The following EEFSEC variants were observed in gnomAD, a reference collection of about 807,000 sequenced individuals.
The protein encoded by EEFSEC is selenocysteine-specific elongation factor.
In EEFSEC, 43 loss-of-function variants were observed where a neutral mutation model predicts 42.1. The observed-to-expected ratio is 1.02, with a 90% CI of 0.80 to 1.32. The LOEUF (loss-of-function observed/expected upper bound fraction) is 1.32, where lower values mean the gene tolerates loss of function less well. Ranked by LOEUF, EEFSEC falls within the 40% of genes most tolerant of loss-of-function variation. The pLI, the probability that EEFSEC is intolerant of heterozygous loss-of-function variation, is 0.00. For synonymous variants in EEFSEC, 354 were observed against 339.1 expected (o/e 1.04, Z -0.48); for missense variants, 745 against 803.6 (o/e 0.93, Z 0.88).
intron 2 of EEFSEC, among the ~76,000 whole-genome samples, chr3:128,254,036 A>C (rs1333555154): frequency 6.6e-5 from 10 of 152,214 alleles, no homozygotes; most frequent in Admixed American, 6.5e-4. Flanking sequence ...GAGGTTTTAA[A>C]GGCCAGTTGA....
intron 1 of EEFSEC, among the ~76,000 whole-genome samples, chr3:128,188,512 C>A (rs1250365002): frequency 6.6e-6 from 1 of 152,158 alleles, no homozygotes; most frequent in Non-Finnish European, 1.5e-5. Context: ...AGTTTGGCGG[C>A]CTTGGTATTG....
chr3:128,229,115 CTGTT>C (rs1271870754), intron 1 of EEFSEC, among the ~76,000 whole-genome samples: 4 of 152,202 alleles, frequency 2.6e-5, no homozygotes, highest in Admixed American at 6.5e-5. Context: ...ATGTCAGAGA[CTGTT>C]TGGAGCTTTC....
At chr3:128,338,416 G>T (rs748309642) in intron 4 of EEFSEC, among the ~76,000 whole-genome samples, 1 of 152,158 alleles carries the variant, frequency 6.6e-6, no homozygotes, top group Non-Finnish European at 1.5e-5. Flanking sequence ...ATTTAAATCT[G>T]TCGGCACACA....
intron 6 of EEFSEC, among the ~76,000 whole-genome samples, chr3:128,394,017 G>A (rs2067949303): frequency 6.6e-6 from 1 of 152,168 alleles, no homozygotes; most frequent in Admixed American, 6.5e-5. Context: ...CGGTGGCGGG[G>A]GCGGGGGGTG....
intron 1 of EEFSEC, among the ~76,000 whole-genome samples, chr3:128,197,787 G>T (rs1403240598): frequency 6.6e-6 from 1 of 152,142 alleles, no homozygotes; most frequent in Non-Finnish European, 1.5e-5. Flanking sequence ...AGTAAATGGA[G>T]CTCAGGGTTG....
At chr3:128,259,448 T>C (rs1018061852) in intron 2 of EEFSEC, among the ~76,000 whole-genome samples, 2 of 152,222 alleles carry the variant, frequency 1.3e-5, no homozygotes, top group Non-Finnish European at 2.9e-5. Context: ...TGCAGTGAAA[T>C]AGGCATCTTA....
intron 4 of EEFSEC, among the ~76,000 whole-genome samples, chr3:128,272,232 C>T (rs1559896069): frequency 2.0e-5 from 3 of 152,218 alleles, no homozygotes; most frequent in East Asian, 1.9e-4. Flanking sequence ...GTGGTTGACT[C>T]CTGAACATCA....
intron 4 of EEFSEC, among the ~76,000 whole-genome samples, chr3:128,283,876 A>G (rs920406160): frequency 1.3e-5 from 2 of 152,172 alleles, no homozygotes; most frequent in South Asian, 4.1e-4. Flanking sequence ...CACCCGCCCA[A>G]ATGGGAGAGG....
intron 4 of EEFSEC, among the ~76,000 whole-genome samples, chr3:128,300,338 T>C (rs897163801): frequency 1.4e-4 from 21 of 152,188 alleles, no homozygotes; most frequent in Non-Finnish European, 2.9e-4. Flanking sequence ...GCGAGGTGGC[T>C]CACGCCTGTA....
intron 6 of EEFSEC, among the ~76,000 whole-genome samples, chr3:128,391,116 A>C (rs915639119): frequency 1.3e-5 from 2 of 152,210 alleles, no homozygotes; most frequent in Admixed American, 6.5e-5. Flanking sequence ...TCACCTCTGC[A>C]GCCCCGCCCC....
chr3:128,397,764 G>A (rs985857995), intron 6 of EEFSEC, among the ~76,000 whole-genome samples: 1 of 152,266 alleles, frequency 6.6e-6, no homozygotes, highest in African/African-American at 2.4e-5. Flanking sequence ...TCTCTGGACG[G>A]AGGAGTCGGG....
In EEFSEC at chr3:128,162,355, T is replaced by C. The variant is rs1030306502; in HGVS notation, c.316+8532T>C. On this transcript the variant is annotated intron_variant, in intron 1 of 6. Coordinates refer to ENST00000254730, the MANE Select transcript of EEFSEC (RefSeq NM_021937.5). The stretch of plus-strand genomic sequence containing the variant: ...CCTTCACTTGCTTCAAAGACTCTTA[T>C]GTTCAATAGAGTCTGCCTCACTCAG... 4.7e-4 allele frequency among the ~76,000 whole-genome samples: 71 copies of C among 152,228 alleles called. 1 individual carries two copies. The highest frequency in any genetic ancestry group is 2.0e-4 in the Admixed American group (3 of 15,288).
At chr3:128,183,987 A>G (rs1444109556) in intron 1 of EEFSEC, among the ~76,000 whole-genome samples, 1 of 152,202 alleles carries the variant, frequency 6.6e-6, no homozygotes. Context: ...AGTGCAGACC[A>G]CTGAGCAGCT....
chr3:128,345,948 G>T (rs2737756), intron 5 of EEFSEC, among the ~76,000 whole-genome samples: 1 of 152,164 alleles, frequency 6.6e-6, no homozygotes, highest in African/African-American at 2.4e-5. Context: ...GAGGCTAGTA[G>T]TGAACAGTAA....
At chr3:128,368,447 A>C (rs2067615566) in intron 6 of EEFSEC, among the ~76,000 whole-genome samples, 1 of 64,432 alleles carries the variant, frequency 1.6e-5, no homozygotes, top group Admixed American at 1.7e-4. Context: ...AAAAAAACAA[A>C]AAAAAAAAAA....
At chr3:128,380,472 G>A (rs1012169061) in intron 6 of EEFSEC, among the ~76,000 whole-genome samples, 3 of 152,194 alleles carry the variant, frequency 2.0e-5, no homozygotes, top group Admixed American at 2.0e-4. Flanking sequence ...TTTGGGGGAA[G>A]TGAAATGTAC....
rs182486711 is a variant in EEFSEC at position 128,216,808 on chromosome 3, T to C, written c.317-30028T>C. ...TCCGTGTGGTCCCCATAGTTGTGAC[T>C]GATTGAAGGCAGTGGGCTATAGGTA... On this transcript the variant is annotated intron_variant, in intron 1 of 6. Coordinates refer to ENST00000254730, the MANE Select transcript of EEFSEC (RefSeq NM_021937.5). Among the ~76,000 whole-genome samples the C allele has an allele frequency of 3.0e-3, 453 of 152,328 alleles. 7 individuals carry two copies. Among genetic ancestry groups the C allele is most frequent in the African/African-American group, 0.011 (441 of 41,576 alleles).
At chr3:128,380,983 A>G (rs1485171570) in intron 6 of EEFSEC, among the ~76,000 whole-genome samples, 1 of 152,220 alleles carries the variant, frequency 6.6e-6, no homozygotes, top group Non-Finnish European at 1.5e-5. Flanking sequence ...CCAGAAGTTC[A>G]TGCTCAGCCT....
At chr3:128,172,448 G>C (rs115950295) in intron 1 of EEFSEC, among the ~76,000 whole-genome samples, 2,208 of 152,318 alleles carry the variant, frequency 0.014, 43 homozygotes, top group Non-Finnish European at 0.018. Context: ...CACATAGTAG[G>C]GAGCAGTTAT....
Sources: allele counts gnomAD v4.1 joint callset (sites outside exome capture counted in the v4.1 genomes callset), GRCh38; gene constraint gnomAD v4.1.1; transcripts MANE v1.5; gene names NCBI Gene and HGNC (gene_info 2026-07-23, HGNC 2026-07-21).